Variants in TMEM65 observed in about 807,000 individuals in gnomAD.
The protein encoded by TMEM65 is transmembrane protein 65.
Under a neutral mutation model 25.4 loss-of-function variants are expected in TMEM65, and 22 were observed. The observed-to-expected ratio is 0.86, with a 90% CI of 0.62 to 1.23. TMEM65 has a LOEUF of 1.23. TMEM65 is among the 50% of genes most tolerant of loss of function. The pLI, the probability that TMEM65 is intolerant of heterozygous loss-of-function variation, is 0.00. For synonymous variants in TMEM65, 132 were observed against 126.2 expected (o/e 1.05, Z -0.31); for missense variants, 262 against 308.2 (o/e 0.85, Z 1.12).
intron 1 of TMEM65, among the ~76,000 whole-genome samples, chr8:124,349,426 G>T (rs557151664): frequency 1.4e-4 from 22 of 152,148 alleles, no homozygotes; most frequent in East Asian, 1.9e-4. Flanking sequence ...TTGAATGGAG[G>T]TATTAGGTGG....
rs566304904 is a variant in TMEM65 at position 124,352,868 on chromosome 8, T to C, written c.304+18986A>G. Among the ~76,000 whole-genome samples, 99 of 152,308 alleles carry C rather than the reference T, an allele frequency of 6.5e-4. No homozygotes were observed. The Middle Eastern group carries it at 0.01, about 16-fold the overall frequency. On this transcript the variant is annotated intron_variant, in intron 1 of 6. Coordinates refer to ENST00000297632, the MANE Select transcript of TMEM65 (RefSeq NM_194291.3). The stretch of plus-strand genomic sequence containing the variant: ...TGGGCCGGGTCCAGTGGCTCACGCC[T>C]GTAATCCCAGCATTTTAAGAGGCCA...
chr8:124,361,730 G>A (rs1221745892), intron 1 of TMEM65, among the ~76,000 whole-genome samples: 1 of 148,732 alleles, frequency 6.7e-6, no homozygotes, highest in Non-Finnish European at 1.5e-5. Flanking sequence ...CAGCTACTCA[G>A]CAGGCTGAGG....
intron 1 of TMEM65, among the ~76,000 whole-genome samples, chr8:124,369,676 T>C (rs1814987154): frequency 6.6e-6 from 1 of 152,240 alleles, no homozygotes; most frequent in South Asian, 2.1e-4. Flanking sequence ...ATTTCAGCAA[T>C]GGAATGAGCT....
intron 1 of TMEM65, among the ~76,000 whole-genome samples, chr8:124,337,783 T>C (rs896744610): frequency 2.6e-5 from 4 of 152,064 alleles, no homozygotes; most frequent in Admixed American, 2.0e-4. Context: ...ACTCCGCATT[T>C]TAGTCAAAAC....
At chr8:124,340,332 G>C (rs1814569828) in intron 1 of TMEM65, among the ~76,000 whole-genome samples, 1 of 152,036 alleles carries the variant, frequency 6.6e-6, no homozygotes, top group Admixed American at 6.6e-5. Flanking sequence ...ATTTCCTTAT[G>C]ATATTGCCAA....
At chr8:124,353,776 A>G (rs1055467887) in intron 1 of TMEM65, among the ~76,000 whole-genome samples, 2 of 152,208 alleles carry the variant, frequency 1.3e-5, no homozygotes, top group African/African-American at 2.4e-5. Context: ...CATATAGGGT[A>G]GCTGGAAGAT....
chr8:124,326,457 C>T (rs1420178061), intron 3 of TMEM65, among the ~76,000 whole-genome samples: 1 of 151,960 alleles, frequency 6.6e-6, no homozygotes. Context: ...AAGAATAAAA[C>T]TGGCCAATTT....
At chr8:124,365,832 G>C (rs1426719700) in intron 1 of TMEM65, among the ~76,000 whole-genome samples, 4 of 152,198 alleles carry the variant, frequency 2.6e-5, no homozygotes, top group African/African-American at 7.2e-5. Flanking sequence ...TTTGATTTTA[G>C]TCCTTTAAGA....
chr8:124,370,424 A>G (rs1814996880), intron 1 of TMEM65, among the ~76,000 whole-genome samples: 1 of 152,200 alleles, frequency 6.6e-6, no homozygotes, highest in South Asian at 2.1e-4. Flanking sequence ...CAAGGAGCAT[A>G]TTTTCAGAAT....
chr8:124,340,148 T>C (rs1417878712), intron 1 of TMEM65, among the ~76,000 whole-genome samples: 1 of 152,192 alleles, frequency 6.6e-6, no homozygotes, highest in Non-Finnish European at 1.5e-5. Flanking sequence ...GGGCAGGAAA[T>C]ATTCCACTGG....
At chr8:124,353,711 A>AT (rs1010243683) in intron 1 of TMEM65, among the ~76,000 whole-genome samples, 5 of 152,194 alleles carry the variant, frequency 3.3e-5, no homozygotes, top group African/African-American at 1.2e-4. Context: ...TCAAAGAGTA[A>AT]TGAAGACACG....
intron 1 of TMEM65, among the ~76,000 whole-genome samples, chr8:124,332,269 G>A (rs1174834893): frequency 6.6e-6 from 1 of 152,120 alleles, no homozygotes; most frequent in Non-Finnish European, 1.5e-5. Flanking sequence ...TTACATACCA[G>A]AACTATTTGT....
intron 1 of TMEM65, among the ~76,000 whole-genome samples, chr8:124,351,606 C>A (rs924963316): frequency 6.6e-6 from 1 of 152,150 alleles, no homozygotes; most frequent in Non-Finnish European, 1.5e-5. Context: ...TTTTCTAAAT[C>A]TGGATGAGTT....
chr8:124,364,947 C>G (rs1029407256), intron 1 of TMEM65, among the ~76,000 whole-genome samples: 1 of 152,220 alleles, frequency 6.6e-6, no homozygotes, highest in East Asian at 1.9e-4. Flanking sequence ...CCAAAGGAAA[C>G]CAGACAAGAG....
intron 1 of TMEM65, among the ~76,000 whole-genome samples, chr8:124,357,753 G>C (rs1220502219): frequency 6.6e-6 from 1 of 151,748 alleles, no homozygotes; most frequent in Non-Finnish European, 1.5e-5. Context: ...TCCAGAGAGG[G>C]GCAGTAAGTA....
At chr8:124,338,846 CA>C (rs1814544169) in intron 1 of TMEM65, among the ~76,000 whole-genome samples, 1 of 152,106 alleles carries the variant, frequency 6.6e-6, no homozygotes. Flanking sequence ...CCTGAGTACA[CA>C]GTGAATTGTA....
chr8:124,329,851 G>T (rs572642980), intron 2 of TMEM65, among the ~76,000 whole-genome samples: 3 of 151,888 alleles, frequency 2.0e-5, no homozygotes, highest in African/African-American at 7.2e-5. Flanking sequence ...ATGAACTATA[G>T]ATTGTATGAA....
At chr8:124,325,015 T>C (rs796583775) in intron 3 of TMEM65, among the ~76,000 whole-genome samples, 4 of 152,064 alleles carry the variant, frequency 2.6e-5, no homozygotes, top group African/African-American at 9.6e-5. Flanking sequence ...AATCCAATAA[T>C]ATAAAAATAT....
chr8:124,322,763 C>T (rs965810522), intron 4 of TMEM65, among the ~76,000 whole-genome samples: 65 of 151,954 alleles, frequency 4.3e-4, no homozygotes, highest in Admixed American at 3.7e-3. Context: ...TTTGGGAGGC[C>T]GAGGCGGGCA....
Sources: allele counts gnomAD v4.1 joint callset (sites outside exome capture counted in the v4.1 genomes callset), GRCh38; gene constraint gnomAD v4.1.1; transcripts MANE v1.5; gene names NCBI Gene and HGNC (gene_info 2026-07-23, HGNC 2026-07-21).